The following CRB1 variants were observed in gnomAD, a reference collection of about 807,000 sequenced individuals.
The protein encoded by CRB1 is crumbs cell polarity complex component 1.
In CRB1, 83 loss-of-function variants were observed where a neutral mutation model predicts 120.0. That is an observed-to-expected ratio of 0.69 (90% CI 0.58 to 0.83). The LOEUF (loss-of-function observed/expected upper bound fraction) is 0.83, where lower values mean the gene tolerates loss of function less well. CRB1 is among the 40% of genes least tolerant of loss of function. The pLI is 0.00. For synonymous variants in CRB1, 625 were observed against 612.5 expected, an observed-to-expected ratio of 1.02 and a Z score of -0.30; for missense variants, 1,699 against 1,687.6, an observed-to-expected ratio of 1.01 and a Z score of -0.12.
intron 5 of CRB1, among the ~76,000 whole-genome samples, chr1:197,400,471 A>AT (rs5779868): frequency 0.41 from 60,572 of 146,776 alleles, 14,217 homozygotes; most frequent in East Asian, 0.64. Context: ...GTAAAAGAGC[A>AT]TTTTTTTTTT....
the CRB1 span, among the ~76,000 whole-genome samples, chr1:197,226,250 T>C: frequency 3.9e-5 from 6 of 152,226 alleles, no homozygotes; most frequent in Non-Finnish European, 8.8e-5. Flanking sequence ...CCTTACAGGC[T>C]ACATGAACTT....
chr1:197,283,144 C>T (rs1006076779), intron 1 of CRB1, among the ~76,000 whole-genome samples: 1 of 151,592 alleles, frequency 6.6e-6, no homozygotes, highest in Non-Finnish European at 1.5e-5. Flanking sequence ...ATCAGGATGT[C>T]AAATCTTATG....
chr1:197,201,689 C>T, the CRB1 span, among the ~76,000 whole-genome samples: 1 of 152,194 alleles, frequency 6.6e-6, no homozygotes, highest in Non-Finnish European at 1.5e-5. Context: ...ATTTCATCCT[C>T]ACTGGTGTAT....
chr1:197,405,968 C>CT (rs1558113588), intron 5 of CRB1, among the ~76,000 whole-genome samples: 1 of 151,154 alleles, frequency 6.6e-6, no homozygotes, highest in East Asian at 2.0e-4. Flanking sequence ...GTCAGCCCCC[C>CT]GCCCGGCCAG....
chr1:197,437,207 G>T (rs1665206454), intron 9 of CRB1, among the ~76,000 whole-genome samples: 1 of 152,078 alleles, frequency 6.6e-6, no homozygotes, highest in East Asian at 1.9e-4. Flanking sequence ...CTAATTCAGA[G>T]GTGGTACCTT....
chr1:197,334,929 T>C lies in CRB1; in HGVS notation c.652+5926T>C, dbSNP rs111805536. Among the ~76,000 whole-genome samples the C allele has an allele frequency of 7.1e-3, 1,078 of 152,274 alleles. 14 individuals are homozygous for C. The highest frequency in any genetic ancestry group is 0.025 in the African/African-American group (1,047 of 41,558). The stretch of plus-strand genomic sequence containing the variant: ...AAACAAGTAATAGATATACTGTATA[T>C]AGTAGGTTAGAGGGTAATAACTGCA... On this transcript the variant is annotated intron_variant, in intron 2 of 11. Transcript: ENST00000367400.
intron 1 of CRB1, among the ~76,000 whole-genome samples, chr1:197,303,068 A>G (rs6695937): frequency 0.072 from 10,926 of 152,106 alleles, 1,340 homozygotes; most frequent in African/African-American, 0.25. Flanking sequence ...GTTATTTGCT[A>G]AAATAAGACC....
At chr1:197,439,646 C>T (rs1056634837) in intron 10 of CRB1, 5 of 151,914 alleles carry the variant, frequency 3.3e-5, no homozygotes, top group African/African-American at 1.2e-4. Context: ...CATGTATCAT[C>T]GAGGGTAAGA....
intron 5 of CRB1, among the ~76,000 whole-genome samples, chr1:197,369,415 C>G (rs1661251753): frequency 6.6e-6 from 1 of 151,964 alleles, no homozygotes; most frequent in South Asian, 2.1e-4. Context: ...TCCCAAGCAA[C>G]CCAGTTGCGA....
At chr1:197,294,084 G>A (rs937593067) in intron 1 of CRB1, among the ~76,000 whole-genome samples, 1 of 152,166 alleles carries the variant, frequency 6.6e-6, no homozygotes, top group Admixed American at 6.5e-5. Flanking sequence ...CAACTGAAGA[G>A]CTTCTGCACA....
At chr1:197,405,949 G>C (rs1248556561) in intron 5 of CRB1, among the ~76,000 whole-genome samples, 1 of 151,052 alleles carries the variant, frequency 6.6e-6, no homozygotes, top group Non-Finnish European at 1.5e-5. Flanking sequence ...CCGGGAGGGA[G>C]GTGGGGGGGT....
At position 197,438,582 on chromosome 1, in the gene CRB1, A is replaced by C; in HGVS notation, c.3785A>C (p.Glu1262Ala). The C allele has an allele frequency of 1.2e-6, 2 of 1,612,868 alleles. No individual in the cohort carries two copies. Among genetic ancestry groups the C allele is most frequent in the South Asian group, 2.2e-5 (2 of 91,070 alleles). The change falls in exon 10 of 12, where the codon GAG becomes GCG. Residue 1262 changes from glutamate (E) to alanine (A), a missense_variant. Coordinates refer to ENST00000367400, the MANE Select transcript of CRB1 (RefSeq NM_201253.3). Reference sequence around the variant, plus strand: ...TTACCCTCAACAGTCTGTGGGAATGAGAAGACAAATCTCACTTGCTACAAT... The same window carrying C: ...TTACCCTCAACAGTCTGTGGGAATGCGAAGACAAATCTCACTTGCTACAAT... ...SRLPSTVCGN[E>A]KTNLTCYNGG...
chr1:197,276,075 T>C (rs1251997822), intron 1 of CRB1, among the ~76,000 whole-genome samples: 1 of 151,912 alleles, frequency 6.6e-6, no homozygotes, highest in Non-Finnish European at 1.5e-5. Flanking sequence ...CGTTGCAACA[T>C]GCTAAGTAGA....
At position 197,272,251 on chromosome 1, in the gene CRB1, G is replaced by A. The variant is rs527710898; in HGVS notation, c.70+3769G>A. Among the ~76,000 whole-genome samples, 47 of 152,226 alleles carry A rather than the reference G, an allele frequency of 3.1e-4. No homozygotes were observed. The South Asian group carries it at 9.7e-3, about 32-fold the overall frequency. ...GTTAATATCCTTGCAGTGGCATTTT[G>A]TAAAGTGCCTACCTAATTATTAGTG... On this transcript the variant is annotated intron_variant, in intron 1 of 11. Coordinates refer to ENST00000367400, the MANE Select transcript of CRB1 (RefSeq NM_201253.3).
intron 5 of CRB1, among the ~76,000 whole-genome samples, chr1:197,392,503 T>G (rs2125416715): frequency 6.6e-6 from 1 of 152,238 alleles, no homozygotes; most frequent in South Asian, 2.1e-4. Context: ...GAACATGCTC[T>G]GAGCTGTAAA....
intron 1 of CRB1, among the ~76,000 whole-genome samples, chr1:197,320,998 CCTT>C (rs1314498513): frequency 6.6e-6 from 1 of 152,164 alleles, no homozygotes; most frequent in East Asian, 1.9e-4. Context: ...CCATGCATCT[CCTT>C]CTCTCTGATT....
intron 1 of CRB1, among the ~76,000 whole-genome samples, chr1:197,307,893 T>A (rs1294792518): frequency 6.6e-6 from 1 of 152,156 alleles, no homozygotes; most frequent in African/African-American, 2.4e-5. Flanking sequence ...TTACTTAAAC[T>A]CTCTTTTCGA....
At chr1:197,355,709 C>T (rs528201183) in intron 4 of CRB1, among the ~76,000 whole-genome samples, 8 of 152,212 alleles carry the variant, frequency 5.3e-5, no homozygotes, top group Non-Finnish European at 7.3e-5. Flanking sequence ...GGCAAGCCCA[C>T]GCCCACCCAG....
intron 5 of CRB1, among the ~76,000 whole-genome samples, chr1:197,381,432 C>T (rs1265686137): frequency 6.6e-6 from 1 of 152,188 alleles, no homozygotes; most frequent in African/African-American, 2.4e-5. Context: ...ATTCTCCTTT[C>T]AGTGGCACAG....
Sources: allele counts gnomAD v4.1 joint callset (sites outside exome capture counted in the v4.1 genomes callset), GRCh38; gene constraint gnomAD v4.1.1; transcripts MANE v1.5; gene names NCBI Gene and HGNC (gene_info 2026-07-23, HGNC 2026-07-21).